The following CRTAC1 variants were observed in gnomAD, a reference collection of about 807,000 sequenced individuals.
CRTAC1 encodes acidic secreted protein in cartilage.
In CRTAC1, 37 loss-of-function variants were observed where a neutral mutation model predicts 67.8. That is an observed-to-expected ratio of 0.55 (90% CI 0.42 to 0.72). CRTAC1 has a LOEUF of 0.72. CRTAC1 is among the 30% of genes least tolerant of loss of function. The probability of loss-of-function intolerance (pLI) is 0.00; values close to 1 mark genes in which losing one functional copy is unlikely to be tolerated. For synonymous variants in CRTAC1, 348 were observed against 371.0 expected (o/e 0.94, Z 0.71); for missense variants, 780 against 931.6 (o/e 0.84, Z 2.12).
chr10:97,961,084 T>C (rs185243243), intron 2 of CRTAC1, among the ~76,000 whole-genome samples: 1 of 152,234 alleles, frequency 6.6e-6, no homozygotes, highest in African/African-American at 2.4e-5. Flanking sequence ...AATTTTTTTT[T>C]AATTTTATTT....
At chr10:97,910,980 T>C (rs1206737587) in intron 5 of CRTAC1, among the ~76,000 whole-genome samples, 1 of 152,208 alleles carries the variant, frequency 6.6e-6, no homozygotes, top group Non-Finnish European at 1.5e-5. Flanking sequence ...CTCTTCATGA[T>C]GGGAGCTATG....
chr10:97,964,850 G>A (rs551610299), intron 2 of CRTAC1, among the ~76,000 whole-genome samples: 4 of 152,120 alleles, frequency 2.6e-5, no homozygotes, highest in South Asian at 2.1e-4. Context: ...TATGTAAGGC[G>A]CTTGTCATGA....
intron 14 of CRTAC1, chr10:97,867,780 T>C (rs954544423): frequency 6.6e-6 from 1 of 151,758 alleles, no homozygotes; most frequent in Non-Finnish European, 1.5e-5. Context: ...CCCGTGACGA[T>C]GGAGGGTCAG....
Position 97,975,726 on chromosome 10 carries a change from C to T in CRTAC1, c.224+35412G>A, listed in dbSNP as rs1210336586. ...CTGGGGGAGACGAGGGAAGACTGGG[C>T]TTCCAGCCCCTCACTCCTATACAGA... On this transcript the variant is annotated intron_variant, in intron 2 of 14. Coordinates refer to ENST00000370597, the MANE Select transcript of CRTAC1 (RefSeq NM_018058.7). The surrounding 1 kb of genome is among the most constrained non-coding windows in gnomAD (Gnocchi z 4.8). 2.0e-5 allele frequency among the ~76,000 whole-genome samples: 3 copies of T among 152,196 alleles called. No homozygotes were observed. The highest frequency in any genetic ancestry group is 7.2e-5 in the African/African-American group (3 of 41,454).
rs1326960364 is a variant in CRTAC1, at chr10:97,880,327, A to G, written c.1741T>C (p.Tyr581His). 6.2e-7 allele frequency: 1 copy of G among 1,614,152 alleles called. No individual in the cohort carries two copies. Among genetic ancestry groups the G allele is most frequent in the Non-Finnish European group, 8.5e-7 (1 of 1,180,008 alleles). The change falls in exon 14 of 15, where the codon TAT becomes CAT. Residue 581 changes from tyrosine to histidine, a missense_variant. Transcript: ENST00000370597. Reference protein sequence around the residue: ...PRDKPVCVNTYGSYRCRTNKK... With the variant: ...PRDKPVCVNTHGSYRCRTNKK... ...TTGGTCCGGCACCTGTAGCTTCCAT[A>G]GGTGTTGACACATACGGGCTTGTCT...
At chr10:97,878,175 C>T (rs1432424569) in intron 14 of CRTAC1, among the ~76,000 whole-genome samples, 5 of 152,226 alleles carry the variant, frequency 3.3e-5, no homozygotes, top group Non-Finnish European at 7.3e-5. Context: ...GCTCCATGAC[C>T]TTGGGCACAG....
Position 97,969,489 on chromosome 10 carries a change from A to G in CRTAC1, c.225-33123T>C, listed in dbSNP as rs144496389. Among the ~76,000 whole-genome samples the G allele has an allele frequency of 3.7e-3, 556 of 152,198 alleles. 1 individual carries two copies. Among genetic ancestry groups the G allele is most frequent in the Middle Eastern group, 6.8e-3 (2 of 294 alleles). On this transcript the variant is annotated intron_variant, in intron 2 of 14. Transcript: ENST00000370597. ...CCCAAGTCTGCATTTTTCCCTGTCA[A>G]TATCAAAGGGCTGCCAATGTGCTTT...
At chr10:98,002,608 C>G (rs1842710803) in intron 2 of CRTAC1, among the ~76,000 whole-genome samples, 1 of 151,990 alleles carries the variant, frequency 6.6e-6, no homozygotes, top group African/African-American at 2.4e-5. Context: ...TTTGTCCCAC[C>G]AAAGACAGTG....
At chr10:97,981,070 C>T (rs1030747297) in intron 2 of CRTAC1, among the ~76,000 whole-genome samples, 3 of 152,174 alleles carry the variant, frequency 2.0e-5, no homozygotes, top group Non-Finnish European at 4.4e-5. Flanking sequence ...AGTGGAATTT[C>T]TGCTAAAATT....
chr10:98,004,647 G>C (rs1010308887), intron 2 of CRTAC1, among the ~76,000 whole-genome samples: 4 of 151,920 alleles, frequency 2.6e-5, no homozygotes, highest in Non-Finnish European at 4.4e-5. Context: ...TCACAGATTA[G>C]AAACAGCTTA....
At chr10:98,018,582 C>A (rs561293321) in intron 1 of CRTAC1, among the ~76,000 whole-genome samples, 2 of 152,278 alleles carry the variant, frequency 1.3e-5, no homozygotes, top group African/African-American at 4.8e-5. Flanking sequence ...AAACTGGTAA[C>A]CAAGCAACCT....
Position 97,947,492 on chromosome 10 carries a change from G to A in CRTAC1, c.225-11126C>T, listed in dbSNP as rs565945180. 7.2e-5 allele frequency among the ~76,000 whole-genome samples: 11 copies of A among 152,356 alleles called. No individual in the cohort carries two copies. The South Asian group carries it at 1.7e-3, about 23-fold the overall frequency. Reference sequence around the variant, plus strand: ...ACAGAAAAATATGTTTAGGGAATACGGGGTAGACTAGCTGGACAACATAGA... The same window carrying A: ...ACAGAAAAATATGTTTAGGGAATACAGGGTAGACTAGCTGGACAACATAGA... On this transcript the variant is annotated intron_variant, in intron 2 of 14. Transcript: ENST00000370597.
At chr10:97,894,554 C>G (rs1262603082) in intron 11 of CRTAC1, among the ~76,000 whole-genome samples, 1 of 150,524 alleles carries the variant, frequency 6.6e-6, no homozygotes, top group Non-Finnish European at 1.5e-5. Context: ...CGCCACCACG[C>G]TTGGCTATTT....
At chr10:97,999,194 G>T (rs143296306) in intron 2 of CRTAC1, among the ~76,000 whole-genome samples, 2 of 152,098 alleles carry the variant, frequency 1.3e-5, no homozygotes, top group East Asian at 1.9e-4. Flanking sequence ...GGACTCCCAC[G>T]CAGGGGAGAA....
intron 5 of CRTAC1, 81 bp downstream of exon 5, chr10:97,917,419 T>C: frequency 8.4e-7 from 1 of 1,197,172 alleles, no homozygotes; most frequent in Non-Finnish European, 1.1e-6. Flanking sequence ...TGGTCTCTGA[T>C]GAATTAGACT....
chr10:97,945,948 T>C (rs1281185894), intron 2 of CRTAC1, among the ~76,000 whole-genome samples: 1 of 152,194 alleles, frequency 6.6e-6, no homozygotes, highest in Non-Finnish European at 1.5e-5. Context: ...ATGTGCTCGA[T>C]GCCCTCGGAA....
chr10:97,891,679 C>A (rs572501185), intron 11 of CRTAC1, among the ~76,000 whole-genome samples: 1 of 152,338 alleles, frequency 6.6e-6, no homozygotes, highest in African/African-American at 2.4e-5. Flanking sequence ...GTCTTTCTGT[C>A]GCCCCCTGTT....
chr10:97,990,304 C>T (rs1031795808), intron 2 of CRTAC1, among the ~76,000 whole-genome samples: 1 of 152,206 alleles, frequency 6.6e-6, no homozygotes, highest in African/African-American at 2.4e-5. Flanking sequence ...TACTATAGCG[C>T]TCATTTTTGC....
At chr10:97,941,022 C>T (rs1483886504) in intron 2 of CRTAC1, among the ~76,000 whole-genome samples, 2 of 152,138 alleles carry the variant, frequency 1.3e-5, no homozygotes, top group Non-Finnish European at 2.9e-5. Flanking sequence ...ACTTCTCTCT[C>T]CACTTTCCCG....
Sources: allele counts gnomAD v4.1 joint callset (sites outside exome capture counted in the v4.1 genomes callset), GRCh38; gene constraint gnomAD v4.1.1; non-coding constraint Gnocchi (gnomAD v3.1); transcripts MANE v1.5; gene names NCBI Gene and HGNC (gene_info 2026-07-23, HGNC 2026-07-21).